Variants in B4GALNT4 observed in about 807,000 individuals in gnomAD.
The protein encoded by B4GALNT4 is beta-1,4-N-acetyl-galactosaminyltransferase 4, also known as N-acetyl-beta-glucosaminyl-glycoprotein 4-beta-N-acetylgalactosaminyltransferase 1.
B4GALNT4 carries 77 observed loss-of-function variants against 110.0 expected under a neutral mutation model. The ratio of observed to expected loss-of-function variants is 0.70; its 90% CI spans 0.58 to 0.85. The LOEUF is 0.85. Ranked by LOEUF, B4GALNT4 falls within the 40% of genes least tolerant of loss-of-function variation. B4GALNT4 has a pLI of 0.00. For synonymous variants in B4GALNT4, 785 were observed against 655.5 expected (o/e 1.20, Z -3.02); for missense variants, 1,575 against 1,506.0 (o/e 1.05, Z -0.76).
In B4GALNT4 at chr11:380,116, C is replaced by A; in HGVS notation, c.2643-14C>A. The A allele has an allele frequency of 1.3e-6, 2 of 1,597,502 alleles. No homozygotes were observed. The highest frequency in any genetic ancestry group is 2.2e-5 in the South Asian group (2 of 89,764). Reference sequence around the variant, plus strand: ...CCACCCCCAGAGATCGTGCCTGTGACTCGCCCTCCCCAGGTACCAGTACCT... The same window carrying A: ...CCACCCCCAGAGATCGTGCCTGTGAATCGCCCTCCCCAGGTACCAGTACCT... On this transcript the variant is annotated splice_polypyrimidine_tract_variant and intron_variant, in intron 16 of 19. Transcript: ENST00000329962.
chr11:376,000 G>A (rs1200553874), intron 11 of B4GALNT4, 44 bp downstream of exon 11: 1 of 1,605,828 alleles, frequency 6.2e-7, no homozygotes, highest in South Asian at 1.1e-5. Flanking sequence ...GGACTCCGCG[G>A]AGCCTTCTCC....
chr11:375,317 C>T, intron 8 of B4GALNT4, 144 bp from the exon 9 acceptor site: 1 of 862,054 alleles, frequency 1.2e-6, no homozygotes, highest in South Asian at 1.4e-5. Flanking sequence ...TCTTGGAACG[C>T]CCCGGACCCC....
intron 14 of B4GALNT4, among the ~76,000 whole-genome samples, chr11:378,174 G>A (rs1288607331): frequency 6.6e-6 from 1 of 152,120 alleles, no homozygotes; most frequent in Non-Finnish European, 1.5e-5. Flanking sequence ...AGGGGCAGAG[G>A]ATGGAGGCAC....
At chr11:376,016 C>G in intron 11 of B4GALNT4, 58 bp from the exon 12 acceptor site, 1 of 1,604,082 alleles carries the variant, frequency 6.2e-7, no homozygotes, top group Non-Finnish European at 8.5e-7. Flanking sequence ...TCTCCAGCCC[C>G]TTGGGAGGCC....
intron 18 of B4GALNT4, 65 bp from the exon 19 acceptor site, chr11:380,760 G>A (rs1452521582): frequency 3.2e-6 from 5 of 1,587,242 alleles, no homozygotes; most frequent in South Asian, 1.1e-5. Flanking sequence ...TCCTAGCGGC[G>A]CTTTGCCGGG....
rs571341570 is a variant in B4GALNT4 at position 375,445 on chromosome 11, CCT to C, written c.784-11_784-10del. 38 of 1,611,272 alleles carry C rather than the reference CCT, an allele frequency of 2.4e-5. No homozygotes were observed. In the African/African-American group the frequency reaches 4.5e-4, roughly 19 times the overall value. The stretch of plus-strand genomic sequence containing the variant: ...CCACCGCCCTGTCCCTGACCCCCAC[CCT>C]CTCTGCCCCGCAGTGGCGAGCTTTC... On this transcript the variant is annotated splice_polypyrimidine_tract_variant and intron_variant, in intron 8 of 19. Transcript: ENST00000329962.
In B4GALNT4 at chr11:376,561, C is replaced by A; in HGVS notation, c.1438C>A (p.Pro480Thr). Residue 480 changes from proline to threonine, a missense_variant, in exon 14 of 20, where the codon CCC becomes ACC. Pro to Thr is a conservative substitution (Grantham distance 38). Coordinates refer to ENST00000329962, the MANE Select transcript of B4GALNT4 (RefSeq NM_178537.5). ...PGATLAPPTPPRPRDGGTPRH... is the reference protein window; with the variant it reads ...PGATLAPPTPTRPRDGGTPRH... ...AGCCACCCTCGCCCCGCCGACCCCT[C>A]CCCGCCCCCGGGACGGGGGGACCCC... 1 of 1,358,708 alleles carries A rather than the reference C, an allele frequency of 7.4e-7. No homozygotes were observed. The highest frequency in any genetic ancestry group is 2.8e-4 in the Middle Eastern group (1 of 3,608). 84.2% of individuals were successfully genotyped at this position (1,358,708 alleles called of 1,614,324 possible). A position where few individuals can be genotyped will look rare whatever the true frequency, so the allele number is the denominator to read the frequency against.
chr11:381,817 G>A lies in B4GALNT4; in HGVS notation c.*25G>A, dbSNP rs373849929. 2,211 of 1,553,932 alleles carry A rather than the reference G, an allele frequency of 1.4e-3. 4 individuals are homozygous for A. Among genetic ancestry groups the A allele is most frequent in the Non-Finnish European group, 1.6e-3 (1,864 of 1,155,524 alleles). The stretch of plus-strand genomic sequence containing the variant: ...AGGACGGGCAGCCCCTCCCAGCCCC[G>A]GTGGGAGTCCCGAGGCAGCTGCTGG... On this transcript the variant is annotated 3_prime_UTR_variant, in exon 20 of 20. Coordinates refer to ENST00000329962, the MANE Select transcript of B4GALNT4 (RefSeq NM_178537.5).
chr11:373,167 C>G lies in B4GALNT4; in HGVS notation c.536-24C>G, dbSNP rs575169951. On this transcript the variant is annotated intron_variant, in intron 5 of 19. Transcript: ENST00000329962. ...GAGGGGTGCCGTGAGGCTCCACCCC[C>G]CTGAGCCTAGTCTTGTGGACTAGGA... The G allele has an allele frequency of 4.4e-4, 714 of 1,612,214 alleles. 4 individuals are homozygous for G. Among genetic ancestry groups the G allele is most frequent in the South Asian group, 4.1e-4 (37 of 91,076 alleles).
chr11:372,766 C>G lies in B4GALNT4; in HGVS notation c.348+12C>G. The G allele has an allele frequency of 7.3e-7, 1 of 1,364,234 alleles. No individual in the cohort carries two copies. Among genetic ancestry groups the G allele is most frequent in the Non-Finnish European group, 9.8e-7 (1 of 1,023,798 alleles). 84.5% of individuals were successfully genotyped at this position (1,364,234 alleles called of 1,614,324 possible). On this transcript the variant is annotated intron_variant, in intron 3 of 19. Coordinates refer to ENST00000329962, the MANE Select transcript of B4GALNT4 (RefSeq NM_178537.5). The stretch of plus-strand genomic sequence containing the variant: ...CATGGCGGGAGGAGGTGAGCTGGCT[C>G]GGCCTGTAATGGGCTGGGAGGCAGG...
rs748391207 is a variant in B4GALNT4, at chr11:376,516, G to A, written c.1393G>A (p.Ala465Thr). 2.2e-6 allele frequency: 3 copies of A among 1,364,944 alleles called. No homozygotes were observed. The highest frequency in any genetic ancestry group is 2.9e-6 in the Non-Finnish European group (3 of 1,047,812). 84.6% of individuals were successfully genotyped at this position (1,364,944 alleles called of 1,614,324 possible). Reference sequence around the variant, plus strand: ...GAGCGGCCCCCAGTCCCCCGCCCCAGCAGCCCCCGCCCAGCCCGGAGCCAC... The same window carrying A: ...GAGCGGCCCCCAGTCCCCCGCCCCAACAGCCCCCGCCCAGCCCGGAGCCAC... ...PRSGPQSPAP[A>T]APAQPGATLA... is the part of the protein sequence containing the mutation. The change falls in exon 14 of 20, where the codon GCA becomes ACA. Residue 465 changes from alanine (A) to threonine (T), a missense_variant. Coordinates refer to ENST00000329962, the MANE Select transcript of B4GALNT4 (RefSeq NM_178537.5).
Position 376,837 on chromosome 11 carries a change from C to T in B4GALNT4, c.1714C>T (p.Pro572Ser), listed in dbSNP as rs1051721961. Residue 572 changes from proline (P) to serine (S), a missense_variant, in exon 14 of 20, where the codon CCC becomes TCC. Transcript: ENST00000329962. ...RVQLRAPPRPPRPHGRRTGGP... is the reference protein window; with the variant it reads ...RVQLRAPPRPSRPHGRRTGGP... ...GCAGCTGCGGGCGCCCCCACGCCCA[C>T]CCCGGCCCCACGGCCGCAGGACCGG... 18 of 1,330,790 alleles carry T rather than the reference C, an allele frequency of 1.4e-5. 1 individual carries two copies. In the African/African-American group the frequency reaches 2.5e-4, roughly 18 times the overall value. 82.4% of individuals were successfully genotyped at this position (1,330,790 alleles called of 1,614,324 possible). A position where few individuals can be genotyped will look rare whatever the true frequency, so the allele number is the denominator to read the frequency against.
Position 375,649 on chromosome 11 carries a change from C to G in B4GALNT4, c.861C>G (p.Ala287=). 2 of 1,592,240 alleles carry G rather than the reference C, an allele frequency of 1.3e-6. No individual in the cohort carries two copies. Among genetic ancestry groups the G allele is most frequent in the Middle Eastern group, 1.7e-4 (1 of 6,030 alleles). ...AHISLYTDES[A]LKMDHVAHVP... Reference sequence around the variant, plus strand: ...CTCTTCTGCCCCCAGATGAGTCAGCCTTGAAGATGGACCACGTGGCGCACG... The same window carrying G: ...CTCTTCTGCCCCCAGATGAGTCAGCGTTGAAGATGGACCACGTGGCGCACG... Residue 287 remains alanine, a synonymous_variant, in exon 10 of 20, where the codon GCC becomes GCG. Coordinates refer to ENST00000329962, the MANE Select transcript of B4GALNT4 (RefSeq NM_178537.5).
chr11:370,914 G>T (rs1341807133), intron 1 of B4GALNT4, among the ~76,000 whole-genome samples: 2 of 152,106 alleles, frequency 1.3e-5, no homozygotes, highest in African/African-American at 4.8e-5. Context: ...AGGGTCTGGG[G>T]CTTGTCCCAA....
In B4GALNT4 at chr11:376,979, C is replaced by T. The variant is rs771537220; in HGVS notation, c.1856C>T (p.Ser619Phe). 4.7e-5 allele frequency: 69 copies of T among 1,458,064 alleles called. No individual in the cohort carries two copies. Among genetic ancestry groups the T allele is most frequent in the Non-Finnish European group, 6.1e-5 (68 of 1,110,808 alleles). 90.3% of individuals were successfully genotyped at this position (1,458,064 alleles called of 1,614,324 possible). Reference protein sequence around the residue: ...PAAPTVDSNLSSEARPVTSFL... With the variant: ...PAAPTVDSNLFSEARPVTSFL... Reference sequence around the variant, plus strand: ...GCGCCCACAGTGGACTCAAACTTGTCCTCCGAAGCGCGGCCCGTGACCTCC... The same window carrying T: ...GCGCCCACAGTGGACTCAAACTTGTTCTCCGAAGCGCGGCCCGTGACCTCC... The change falls in exon 14 of 20, where the codon TCC becomes TTC. Residue 619 changes from serine (S) to phenylalanine (F), a missense_variant. Transcript: ENST00000329962.
Position 376,886 on chromosome 11 carries a change from G to A in B4GALNT4, c.1763G>A (p.Arg588Lys). 1 of 1,351,398 alleles carries A rather than the reference G, an allele frequency of 7.4e-7. No homozygotes were observed. 83.7% of individuals were successfully genotyped at this position (1,351,398 alleles called of 1,614,324 possible). The change falls in exon 14 of 20, where the codon AGG becomes AAG. Residue 588 changes from arginine to lysine, a missense_variant. Physicochemically the swap from Arg to Lys is conservative, Grantham distance 26. Coordinates refer to ENST00000329962, the MANE Select transcript of B4GALNT4 (RefSeq NM_178537.5). ...RTGGPQATQP[R>K]PPARAQATQG... ...GGCGGCCCCCAGGCCACACAGCCGAGGCCCCCAGCCCGGGCGCAGGCCACC... is the reference window on the plus strand; with the variant it reads ...GGCGGCCCCCAGGCCACACAGCCGAAGCCCCCAGCCCGGGCGCAGGCCACC...
In B4GALNT4 at chr11:376,347, G is replaced by A. The variant is rs767838226; in HGVS notation, c.1293G>A (p.Pro431=). 1.2e-6 allele frequency: 2 copies of A among 1,607,598 alleles called. No individual in the cohort carries two copies. Among genetic ancestry groups the A allele is most frequent in the Non-Finnish European group, 1.7e-6 (2 of 1,177,338 alleles). The change falls in exon 13 of 20, where the codon CCG becomes CCA. Residue 431 remains proline (P), a synonymous_variant. Coordinates refer to ENST00000329962, the MANE Select transcript of B4GALNT4 (RefSeq NM_178537.5). ...GCCGAGCCTTCCTCTTCCTCAACCCGGACGGTGAGTGTCCGCAGCGCCCCT... is the reference window on the plus strand; with the variant it reads ...GCCGAGCCTTCCTCTTCCTCAACCCAGACGGTGAGTGTCCGCAGCGCCCCT... ...VQRRAFLFLN[P]DDFLDDEDEG...
Position 379,922 on chromosome 11 carries a change from G to T in B4GALNT4, c.2545G>T (p.Ala849Ser). Residue 849 changes from alanine (A) to serine (S), a missense_variant, in exon 16 of 20, where the codon GCG becomes TCG. Transcript: ENST00000329962. ...CCTGGCGGACATGGCTGCGCTGCAC[G>T]CGCGCACCGGGGACTCGCGTTTCAG... ...QFLADMAALH[A>S]RTGDSRFSVV... 1 of 1,610,726 alleles carries T rather than the reference G, an allele frequency of 6.2e-7. No individual in the cohort carries two copies. The highest frequency in any genetic ancestry group is 1.1e-5 in the South Asian group (1 of 91,062).
chr11:376,476 GGCGGCCCCGCCCAGGA>G lies in B4GALNT4; in HGVS notation c.1362_1377del (p.Pro455SerfsTer35). 1 of 1,591,060 alleles carries G rather than the reference GGCGGCCCCGCCCAGGA, an allele frequency of 6.3e-7. No homozygotes were observed. Among genetic ancestry groups the G allele is most frequent in the Non-Finnish European group, 8.5e-7 (1 of 1,176,676 alleles). ...TGCTCGACAGCCTGGAGCCCACCGAGGCGGCCCCGCCCAGGAGCGGCCCCCAGTCCCCCGCCCCAGC... is the reference window on the plus strand; with the variant it reads ...TGCTCGACAGCCTGGAGCCCACCGAGGCGGCCCCCAGTCCCCCGCCCCAGC... On this transcript the variant is annotated frameshift_variant, in exon 14 of 20. Transcript: ENST00000329962. LOFTEE classifies it high-confidence loss of function.
Sources: gnomAD v4.1 joint callset for allele counts (sites outside exome capture counted in the v4.1 genomes callset) on GRCh38, gnomAD v4.1.1 for gene constraint, MANE v1.5 for transcripts, NCBI Gene and HGNC (gene_info 2026-07-23, HGNC 2026-07-21) for gene names.